Variants in TRIM2 observed in about 807,000 individuals in gnomAD.
TRIM2 encodes the protein tripartite motif-containing protein 2.
A neutral mutation model predicts 75.2 loss-of-function variants in TRIM2; 20 were observed. The observed-to-expected ratio is 0.27, with a 90% confidence interval of 0.19 to 0.39. The LOEUF is 0.39. TRIM2 is among the 10% of genes least tolerant of loss of function. The pLI, the probability that TRIM2 is intolerant of heterozygous loss-of-function variation, is 1.00. For synonymous variants in TRIM2, 373 were observed against 388.3 expected (o/e 0.96, Z 0.46); for missense variants, 660 against 990.8 (o/e 0.67, Z 4.48).
intron 1 of TRIM2, among the ~76,000 whole-genome samples, chr4:153,194,447 A>G (rs1358986857): frequency 6.6e-6 from 1 of 152,170 alleles, no homozygotes; most frequent in Non-Finnish European, 1.5e-5. Context: ...ATCAACCTCA[A>G]AATGATTAAG....
intron 8 of TRIM2, among the ~76,000 whole-genome samples, chr4:153,319,933 A>G (rs1044959299): frequency 1.2e-4 from 18 of 152,286 alleles, no homozygotes; most frequent in Admixed American, 3.3e-4. Flanking sequence ...TTGTCACTAC[A>G]TGATAGAATG....
intron 1 of TRIM2, among the ~76,000 whole-genome samples, chr4:153,181,980 G>A (rs887670485): frequency 6.6e-6 from 1 of 152,154 alleles, no homozygotes; most frequent in African/African-American, 2.4e-5. Context: ...GGGTCCTAAT[G>A]AACAGCTTTA....
At chr4:153,176,651 C>T (rs1731464138) in intron 1 of TRIM2, among the ~76,000 whole-genome samples, 1 of 151,864 alleles carries the variant, frequency 6.6e-6, no homozygotes, top group Non-Finnish European at 1.5e-5. Flanking sequence ...CACTCTGTTG[C>T]CCAGGCTGGA....
At chr4:153,179,718 G>T (rs1210088444) in intron 1 of TRIM2, among the ~76,000 whole-genome samples, 5 of 152,156 alleles carry the variant, frequency 3.3e-5, no homozygotes, top group Non-Finnish European at 7.3e-5. Flanking sequence ...TCTCAAGGGG[G>T]GAGGTGTATT....
At chr4:153,309,109 G>C (rs945781051) in intron 6 of TRIM2, among the ~76,000 whole-genome samples, 8 of 152,200 alleles carry the variant, frequency 5.3e-5, no homozygotes, top group African/African-American at 1.9e-4. Flanking sequence ...TGTAGTGAAG[G>C]ATACAGACAG....
At chr4:153,179,073 C>T (rs148546793) in intron 1 of TRIM2, among the ~76,000 whole-genome samples, 96 of 152,112 alleles carry the variant, frequency 6.3e-4, no homozygotes, top group African/African-American at 2.3e-3. Context: ...TACTTGTGGT[C>T]CCAGCTACTT....
chr4:153,327,901 T>G lies in TRIM2; in HGVS notation c.2023-629T>G, dbSNP rs183486732. Among the ~76,000 whole-genome samples the G allele has an allele frequency of 5.4e-4, 82 of 152,352 alleles. 1 individual carries two copies. Among genetic ancestry groups the G allele is most frequent in the Admixed American group, 3.8e-3 (58 of 15,302 alleles). On this transcript the variant is annotated intron_variant, in intron 10 of 11. Coordinates refer to ENST00000338700, the MANE Select transcript of TRIM2 (RefSeq NM_015271.5). ...TATATTCATCAAAGCCTTAGGATCATATAAACTCTCGAACTAAAATATCTT... is the reference window on the plus strand; with the variant it reads ...TATATTCATCAAAGCCTTAGGATCAGATAAACTCTCGAACTAAAATATCTT...
intron 2 of TRIM2, among the ~76,000 whole-genome samples, chr4:153,275,443 T>A (rs1423606995): frequency 1.3e-5 from 2 of 152,250 alleles, no homozygotes; most frequent in African/African-American, 4.8e-5. Context: ...AAATATTTGA[T>A]GTGTTTCTTT....
intron 1 of TRIM2, among the ~76,000 whole-genome samples, chr4:153,153,742 G>T (rs1728954510): frequency 6.6e-6 from 1 of 152,222 alleles, no homozygotes; most frequent in African/African-American, 2.4e-5. Context: ...CACGGGCGTG[G>T]CGGCGTCTCA....
At chr4:153,246,008 C>G (rs78341805) in intron 1 of TRIM2, among the ~76,000 whole-genome samples, 2,774 of 152,232 alleles carry the variant, frequency 0.018, 72 homozygotes, top group African/African-American at 0.062. Context: ...GCTGCTCTAA[C>G]ACTACAATAA....
At chr4:153,210,058 ATTTTT>A (rs761134144) in intron 1 of TRIM2, among the ~76,000 whole-genome samples, 12 of 107,022 alleles carry the variant, frequency 1.1e-4, no homozygotes, top group African/African-American at 4.9e-4. Flanking sequence ...GGGTGATTTA[ATTTTT>A]TTTTTTTTTT....
chr4:153,188,642 A>T (rs1311233610), intron 1 of TRIM2, among the ~76,000 whole-genome samples: 1 of 151,808 alleles, frequency 6.6e-6, no homozygotes, highest in Non-Finnish European at 1.5e-5. Flanking sequence ...CTTGGAAGGG[A>T]TGAGGGGCTG....
intron 2 of TRIM2, among the ~76,000 whole-genome samples, chr4:153,272,924 C>T (rs1757069380): frequency 1.3e-5 from 2 of 152,230 alleles, no homozygotes; most frequent in African/African-American, 4.8e-5. Context: ...ACCGCAACTT[C>T]CGCCTCCTGG....
chr4:153,217,106 C>T (rs1336951340), intron 1 of TRIM2, among the ~76,000 whole-genome samples: 1 of 152,032 alleles, frequency 6.6e-6, no homozygotes, highest in Non-Finnish European at 1.5e-5. Context: ...TTTTTTTCTG[C>T]TCATGTTTCT....
intron 1 of TRIM2, among the ~76,000 whole-genome samples, chr4:153,180,083 G>A (rs952989666): frequency 5.9e-5 from 9 of 152,182 alleles, no homozygotes; most frequent in Non-Finnish European, 8.8e-5. Flanking sequence ...TATGCAACCC[G>A]CAGTGAATGA....
At position 153,337,629 on chromosome 4, in the gene TRIM2, T is replaced by C. The variant is rs1272283696; in HGVS notation, c.*2663T>C. On this transcript the variant is annotated 3_prime_UTR_variant, in exon 12 of 12. Transcript: ENST00000338700. ...TTTTTGGGGGAAAGTGCTGCTGATA[T>C]GATACAAGTAGACAAAATTTAAATG... is the stretch of plus-strand genomic sequence containing the variant. 9 of 985,746 alleles carry C rather than the reference T, an allele frequency of 9.1e-6. No individual in the cohort carries two copies. The highest frequency in any genetic ancestry group is 9.6e-6 in the Non-Finnish European group (8 of 829,944). 61.1% of individuals were successfully genotyped at this position (985,746 alleles called of 1,614,324 possible).
intron 1 of TRIM2, chr4:153,257,631 TTGCATG>T: frequency 7.9e-7 from 1 of 1,268,256 alleles, no homozygotes. Context: ...ACCAGTCTCT[TTGCATG>T]GTGCTTCCCA....
chr4:153,229,687 T>C (rs1037217037), intron 1 of TRIM2, among the ~76,000 whole-genome samples: 3 of 152,256 alleles, frequency 2.0e-5, no homozygotes, highest in Admixed American at 6.5e-5. Context: ...GTTTCTGTAA[T>C]AGAAGGAAGA....
intron 1 of TRIM2, among the ~76,000 whole-genome samples, chr4:153,161,651 A>G (rs1729750374): frequency 6.6e-6 from 1 of 152,230 alleles, no homozygotes; most frequent in African/African-American, 2.4e-5. Flanking sequence ...TCTCACAGAC[A>G]ACGCTAGTAC....
Sources: gnomAD v4.1 joint callset for allele counts (sites outside exome capture counted in the v4.1 genomes callset) on GRCh38, gnomAD v4.1.1 for gene constraint, MANE v1.5 for transcripts, NCBI Gene and HGNC (gene_info 2026-07-23, HGNC 2026-07-21) for gene names.